PRDM16: variants seen among roughly 807,000 people sequenced by gnomAD.
PRDM16 encodes PR/SET domain 16.
A neutral mutation model predicts 110.6 loss-of-function variants in PRDM16; 23 were observed. The observed-to-expected ratio is 0.21, with a 90% confidence interval of 0.15 to 0.29. The LOEUF (loss-of-function observed/expected upper bound fraction) is 0.29. Ranked by LOEUF, PRDM16 falls within the 10% of genes least tolerant of loss-of-function variation. The pLI, the probability that PRDM16 is intolerant of heterozygous loss-of-function variation, is 1.00. For missense variants in PRDM16, 1,615 were observed against 1,794.3 expected, an observed-to-expected ratio of 0.90 and a Z score of 1.81; for synonymous variants, 799 against 781.8, an observed-to-expected ratio of 1.02 and a Z score of -0.37.
intron 1 of PRDM16, among the ~76,000 whole-genome samples, chr1:3,144,902 C>T (rs1433098384): frequency 6.6e-6 from 1 of 152,196 alleles, no homozygotes; most frequent in Admixed American, 6.5e-5. Flanking sequence ...CAGGTAAACC[C>T]AGAGGTCCTC....
chr1:3,291,572 C>A (rs535408024), intron 3 of PRDM16, among the ~76,000 whole-genome samples: 4 of 152,128 alleles, frequency 2.6e-5, no homozygotes, highest in African/African-American at 9.6e-5. Context: ...CTCCTCCCGC[C>A]CCTGCCCATC....
At position 3,385,170 on chromosome 1, in the gene PRDM16, A is replaced by T; in HGVS notation, c.457A>T (p.Ser153Cys). The part of the protein sequence containing the change: ...CITKISEDLG[S>C]EKFCVDANQA... ...CCAGCAGATCTCCGAAGACCTGGGC[A>T]GTGAGAAGTTCTGCGTGGATGCAAA... is the stretch of plus-strand genomic sequence containing the variant. Residue 153 changes from serine to cysteine, a missense_variant, in exon 4 of 17, where the codon AGT becomes TGT. Physicochemically the swap from Ser to Cys is moderately radical, Grantham distance 112. Coordinates refer to ENST00000270722, the MANE Select transcript of PRDM16 (RefSeq NM_022114.4). The T allele has an allele frequency of 1.2e-6, 2 of 1,613,612 alleles. No individual in the cohort carries two copies. Among genetic ancestry groups the T allele is most frequent in the Non-Finnish European group, 1.7e-6 (2 of 1,180,024 alleles).
chr1:3,369,607 G>C (rs897010661), intron 3 of PRDM16, among the ~76,000 whole-genome samples: 1 of 152,240 alleles, frequency 6.6e-6, no homozygotes, highest in Non-Finnish European at 1.5e-5. Context: ...CCGGACTGTG[G>C]CTGAGCTCCA....
intron 1 of PRDM16, among the ~76,000 whole-genome samples, chr1:3,115,165 C>T (rs1379719860): frequency 6.6e-6 from 1 of 152,202 alleles, no homozygotes; most frequent in Non-Finnish European, 1.5e-5. Flanking sequence ...GGGGGGCACT[C>T]GCTATTGGAT....
chr1:3,394,978 G>A (rs1427629893), intron 4 of PRDM16, among the ~76,000 whole-genome samples: 4 of 152,036 alleles, frequency 2.6e-5, no homozygotes, highest in African/African-American at 4.8e-5. Flanking sequence ...CTTACCTGAC[G>A]CCCCATAAGG....
chr1:3,380,130 A>G (rs992569758), intron 3 of PRDM16, among the ~76,000 whole-genome samples: 9 of 148,598 alleles, frequency 6.1e-5, no homozygotes, highest in African/African-American at 2.3e-4. Flanking sequence ...CCCTCTCCTA[A>G]CATGCCCCTC....
At chr1:3,322,487 G>C (rs1641782806) in intron 3 of PRDM16, among the ~76,000 whole-genome samples, 16 of 152,084 alleles carry the variant, frequency 1.1e-4, no homozygotes, top group Admixed American at 1.0e-3. Flanking sequence ...ACCCCGGCTG[G>C]GGCTCTCACT....
chr1:3,164,705 G>C (rs925049794), intron 1 of PRDM16, among the ~76,000 whole-genome samples: 2 of 152,206 alleles, frequency 1.3e-5, no homozygotes, highest in African/African-American at 2.4e-5. Context: ...TGACCTGCGA[G>C]GGAAATGAGG....
At chr1:3,232,363 T>A (rs1639436523) in intron 2 of PRDM16, among the ~76,000 whole-genome samples, 1 of 152,212 alleles carries the variant, frequency 6.6e-6, no homozygotes, top group African/African-American at 2.4e-5. Context: ...GCCTCAGCAT[T>A]CTCAGGTGTA....
Position 3,244,240 on chromosome 1 carries a change from C to T in PRDM16, c.438+103C>T, listed in dbSNP as rs576381169. 5.7e-5 allele frequency: 61 copies of T among 1,072,866 alleles called. No individual in the cohort carries two copies. The African/African-American group carries it at 7.4e-4, about 13-fold the overall frequency. 66.5% of individuals were successfully genotyped at this position (1,072,866 alleles called of 1,614,324 possible). On this transcript the variant is annotated intron_variant, in intron 3 of 16. Transcript: ENST00000270722. The surrounding 1 kb of genome is among the most constrained non-coding windows in gnomAD (Gnocchi z 4.1). ...GTCCCTGAGCTAACAAGCGTGTAGT[C>T]GGAATGTTGCTGGCAGGCCCCGAGC...
chr1:3,230,058 G>T (rs1364288646), intron 2 of PRDM16, among the ~76,000 whole-genome samples: 1 of 152,206 alleles, frequency 6.6e-6, no homozygotes, highest in East Asian at 1.9e-4. Context: ...GGAGGAACGC[G>T]CATCCCCCTG....
intron 3 of PRDM16, among the ~76,000 whole-genome samples, chr1:3,284,995 T>C (rs1640813413): frequency 6.6e-6 from 1 of 152,140 alleles, no homozygotes; most frequent in South Asian, 2.1e-4. Flanking sequence ...CGAATGTTGG[T>C]AGGTTTCTCT....
intron 1 of PRDM16, among the ~76,000 whole-genome samples, chr1:3,147,544 G>A (rs554332230): frequency 1.4e-4 from 22 of 152,140 alleles, no homozygotes; most frequent in Non-Finnish European, 2.8e-4. Context: ...GGGATCTCCA[G>A]TGTCTGGAAA....
At chr1:3,302,056 A>G (rs1434821618) in intron 3 of PRDM16, among the ~76,000 whole-genome samples, 2 of 151,934 alleles carry the variant, frequency 1.3e-5, no homozygotes, top group Non-Finnish European at 2.9e-5. Flanking sequence ...GTTCTCTTCT[A>G]TGCAGTTGCC....
intron 3 of PRDM16, among the ~76,000 whole-genome samples, chr1:3,292,540 C>T (rs1429571430): frequency 3.3e-5 from 5 of 152,342 alleles, no homozygotes; most frequent in South Asian, 2.1e-4. Flanking sequence ...TGAGCGGCAC[C>T]GTGACCTTCA....
intron 1 of PRDM16, among the ~76,000 whole-genome samples, chr1:3,159,247 C>T (rs1643880745): frequency 2.0e-5 from 3 of 152,276 alleles, no homozygotes; most frequent in Non-Finnish European, 4.4e-5. Flanking sequence ...GTTACCGGCG[C>T]AGCACCAGGC....
intron 1 of PRDM16, among the ~76,000 whole-genome samples, chr1:3,146,283 C>T (rs574985219): frequency 5.3e-5 from 8 of 152,222 alleles, no homozygotes; most frequent in Non-Finnish European, 7.3e-5. Context: ...GGGGCCTCCC[C>T]GCTAACAGCC....
intron 3 of PRDM16, among the ~76,000 whole-genome samples, chr1:3,317,995 G>T (rs1327616001): frequency 6.6e-6 from 1 of 152,214 alleles, no homozygotes; most frequent in Non-Finnish European, 1.5e-5. Context: ...AATAAAGAAG[G>T]GTTTGAGAGG....
chr1:3,430,895 G>A lies in PRDM16; in HGVS notation c.3308G>A (p.Gly1103Asp). ...EKRADMQIVD[G>D]SAQCPGLASE... ...AGGGCGGACATGCAGATCGTGGACG[G>A]CAGTGCCCAGTGTCCAGGCCTAGCC... Residue 1103 changes from glycine to aspartate, a missense_variant, in exon 15 of 17, where the codon GGC (glycine) becomes GAC (aspartate). Physicochemically the swap from Gly to Asp is moderately conservative, Grantham distance 94. Coordinates refer to ENST00000270722, the MANE Select transcript of PRDM16 (RefSeq NM_022114.4). 3 of 1,614,124 alleles carry A rather than the reference G, an allele frequency of 1.9e-6. No homozygotes were observed. The highest frequency in any genetic ancestry group is 2.5e-6 in the Non-Finnish European group (3 of 1,180,022).
Sources: allele counts gnomAD v4.1 joint callset (sites outside exome capture counted in the v4.1 genomes callset), GRCh38; gene constraint gnomAD v4.1.1; non-coding constraint Gnocchi (gnomAD v3.1); transcripts MANE v1.5; gene names NCBI Gene and HGNC (gene_info 2026-07-23, HGNC 2026-07-21).